LRP1B: variants seen among roughly 807,000 people sequenced by gnomAD.
LRP1B encodes low-density lipoprotein receptor-related protein 1B.
LRP1B carries 217 observed loss-of-function variants against 556.6 expected under a neutral mutation model. The observed-to-expected ratio is 0.39, with a 90% CI of 0.35 to 0.44. The LOEUF (loss-of-function observed/expected upper bound fraction) is 0.44. Among genes scored for constraint, LRP1B ranks in the 20% least tolerant of loss-of-function variants. LRP1B has a pLI of 1.00. For synonymous variants in LRP1B, 2,047 were observed against 1,865.8 expected, an observed-to-expected ratio of 1.10 and a Z score of -2.50; for missense variants, 5,053 against 5,620.8, an observed-to-expected ratio of 0.90 and a Z score of 3.23.
chr2:141,668,100 T>C (rs1196868560), intron 2 of LRP1B, among the ~76,000 whole-genome samples: 4 of 152,194 alleles, frequency 2.6e-5, no homozygotes, highest in Non-Finnish European at 5.9e-5. Context: ...AAGGCTCTTA[T>C]GGAAAAGACA....
intron 3 of LRP1B, among the ~76,000 whole-genome samples, chr2:141,400,028 C>T (rs1440925224): frequency 6.6e-6 from 1 of 152,094 alleles, no homozygotes; most frequent in Non-Finnish European, 1.5e-5. Flanking sequence ...TTTTGTCACC[C>T]TGTCTGGAGC....
At chr2:140,842,057 A>G (rs1692124985) in intron 29 of LRP1B, among the ~76,000 whole-genome samples, 1 of 152,236 alleles carries the variant, frequency 6.6e-6, no homozygotes, top group Admixed American at 6.5e-5. Flanking sequence ...ATTCTAATTC[A>G]GTAGTTCTGG....
At chr2:142,034,686 G>A (rs1328507812) in intron 1 of LRP1B, among the ~76,000 whole-genome samples, 2 of 151,710 alleles carry the variant, frequency 1.3e-5, no homozygotes, top group Non-Finnish European at 2.9e-5. Context: ...AATCTCCATT[G>A]TTCAAACAAA....
At chr2:140,607,092 A>G (rs1034183275) in intron 41 of LRP1B, among the ~76,000 whole-genome samples, 3 of 152,084 alleles carry the variant, frequency 2.0e-5, no homozygotes, top group Non-Finnish European at 4.4e-5. Flanking sequence ...ACACTCAACA[A>G]TAAAACAACA....
chr2:141,473,416 T>C (rs916777764), intron 3 of LRP1B, among the ~76,000 whole-genome samples: 4 of 152,178 alleles, frequency 2.6e-5, no homozygotes, highest in Non-Finnish European at 4.4e-5. Flanking sequence ...GTTCTATTCT[T>C]TCTAGAAATT....
chr2:141,514,222 C>T (rs1159902121), intron 2 of LRP1B, among the ~76,000 whole-genome samples: 1 of 152,164 alleles, frequency 6.6e-6, no homozygotes, highest in Non-Finnish European at 1.5e-5. Context: ...CCCCATAGAG[C>T]TGGAGCCTGC....
At chr2:140,243,477 T>C (rs190461672) in intron 87 of LRP1B, among the ~76,000 whole-genome samples, 1 of 151,350 alleles carries the variant, frequency 6.6e-6, no homozygotes, top group Admixed American at 6.6e-5. Flanking sequence ...GCATAAGTTA[T>C]ATAATTAAAA....
chr2:141,607,691 G>A (rs1266097411), intron 2 of LRP1B, among the ~76,000 whole-genome samples: 1 of 152,164 alleles, frequency 6.6e-6, no homozygotes, highest in Non-Finnish European at 1.5e-5. Context: ...GTCTGAGGCA[G>A]GAGGATTGAT....
chr2:140,607,652 CACACACAT>C (rs1404622928), intron 41 of LRP1B, among the ~76,000 whole-genome samples: 70 of 142,710 alleles, frequency 4.9e-4, no homozygotes, highest in East Asian at 2.1e-3. Flanking sequence ...CACACACACA[CACACACAT>C]AGACGTGTGT....
At chr2:141,397,187 C>A (rs1212159015) in intron 3 of LRP1B, among the ~76,000 whole-genome samples, 1 of 137,432 alleles carries the variant, frequency 7.3e-6, no homozygotes, top group Non-Finnish European at 1.5e-5. Context: ...AGAGATGGTA[C>A]TTTGTGTTTC....
chr2:140,375,781 T>G (rs1324336129), intron 68 of LRP1B, among the ~76,000 whole-genome samples: 1 of 152,136 alleles, frequency 6.6e-6, no homozygotes, highest in African/African-American at 2.4e-5. Flanking sequence ...GCAAAAATAT[T>G]ATAATTTAAA....
intron 4 of LRP1B, among the ~76,000 whole-genome samples, chr2:141,253,288 T>C (rs1360681190): frequency 6.6e-6 from 1 of 152,148 alleles, no homozygotes; most frequent in African/African-American, 2.4e-5. Flanking sequence ...TGTGTGCAAT[T>C]TTCTGATTTT....
At chr2:141,070,923 G>C (rs1435924173) in intron 7 of LRP1B, among the ~76,000 whole-genome samples, 2 of 152,052 alleles carry the variant, frequency 1.3e-5, no homozygotes, top group Non-Finnish European at 2.9e-5. Flanking sequence ...TTCTACCAGA[G>C]GTACAAGGAG....
At chr2:141,728,071 T>C (rs1245777272) in intron 2 of LRP1B, among the ~76,000 whole-genome samples, 1 of 152,074 alleles carries the variant, frequency 6.6e-6, no homozygotes, top group Non-Finnish European at 1.5e-5. Flanking sequence ...AGTAGCAGTA[T>C]TTTTCATGAG....
chr2:141,135,589 G>A lies in LRP1B; in HGVS notation c.1013+52832C>T, dbSNP rs1574110974. ...CCATTTGCTCTCAAGTTTCCTCATTGAGCGATCTAGTTTAATGAATTTCCT... is the reference window on the plus strand; with the variant it reads ...CCATTTGCTCTCAAGTTTCCTCATTAAGCGATCTAGTTTAATGAATTTCCT... On this transcript the variant is annotated intron_variant, in intron 7 of 90. Coordinates refer to ENST00000389484, the MANE Select transcript of LRP1B (RefSeq NM_018557.3). Among the ~76,000 whole-genome samples, 7 of 151,896 alleles carry A rather than the reference G, an allele frequency of 4.6e-5. No homozygotes were observed. The South Asian group carries it at 1.4e-3, about 31-fold the overall frequency.
At chr2:141,954,660 T>C (rs528900617) in intron 1 of LRP1B, among the ~76,000 whole-genome samples, 2 of 152,264 alleles carry the variant, frequency 1.3e-5, no homozygotes, top group South Asian at 4.1e-4. Context: ...TTAATCGTTG[T>C]TACTATTTCC....
At chr2:140,866,633 T>A (rs1223320295) in intron 27 of LRP1B, among the ~76,000 whole-genome samples, 2 of 151,978 alleles carry the variant, frequency 1.3e-5, no homozygotes, top group Non-Finnish European at 2.9e-5. Flanking sequence ...TTCAATCAGA[T>A]TGTCAGAGAA....
chr2:141,537,763 G>A (rs926083892), intron 2 of LRP1B, among the ~76,000 whole-genome samples: 8 of 152,092 alleles, frequency 5.3e-5, no homozygotes, highest in Non-Finnish European at 8.8e-5. Flanking sequence ...ATCAAGCTAA[G>A]AGAGAAGAGG....
At chr2:141,040,038 T>C (rs1300185502) in intron 11 of LRP1B, among the ~76,000 whole-genome samples, 2 of 152,094 alleles carry the variant, frequency 1.3e-5, no homozygotes, top group African/African-American at 2.4e-5. Flanking sequence ...TGACACTCAG[T>C]GTGATAACAA....
Sources: allele counts gnomAD v4.1 joint callset (sites outside exome capture counted in the v4.1 genomes callset), GRCh38; gene constraint gnomAD v4.1.1; transcripts MANE v1.5; gene names NCBI Gene and HGNC (gene_info 2026-07-23, HGNC 2026-07-21).